The following CDIP1 variants were observed in gnomAD, a reference collection of about 807,000 sequenced individuals.
The protein encoded by CDIP1 is cell death inducing p53 target 1, also known as cell death-inducing p53-target protein 1.
CDIP1 carries 9 observed loss-of-function variants against 17.7 expected under a neutral mutation model. The ratio of observed to expected loss-of-function variants is 0.51; its 90% CI spans 0.31 to 0.89. CDIP1 has a LOEUF of 0.89. CDIP1 is among the 40% of genes least tolerant of loss of function. The pLI is 0.05. For missense variants in CDIP1, 263 were observed against 277.9 expected, an observed-to-expected ratio of 0.95 and a Z score of 0.38; for synonymous variants, 117 against 109.5, an observed-to-expected ratio of 1.07 and a Z score of -0.43.
intron 1 of CDIP1, among the ~76,000 whole-genome samples, chr16:4,529,605 G>A (rs936105485): frequency 1.3e-5 from 2 of 152,144 alleles, no homozygotes; most frequent in Non-Finnish European, 2.9e-5. Context: ...GGCAGGCCTT[G>A]GTAACTACAA....
rs539514114 is a variant in CDIP1 at position 4,523,643 on chromosome 16, G to A, written c.-104-8979C>T. Among the ~76,000 whole-genome samples the A allele has an allele frequency of 7.2e-5, 11 of 152,236 alleles. 1 individual carries two copies. In the South Asian group the frequency reaches 1.9e-3, roughly 26 times the overall value. Reference sequence around the variant, plus strand: ...AATTACATCTGTGACCAGTGGTATCGAGAAAGTCCAGGGCACAGTAGAAGG... The same window carrying A: ...AATTACATCTGTGACCAGTGGTATCAAGAAAGTCCAGGGCACAGTAGAAGG... On this transcript the variant is annotated intron_variant, in intron 1 of 5. Coordinates refer to ENST00000567695, the MANE Select transcript of CDIP1 (RefSeq NM_013399.3).
intron 1 of CDIP1, among the ~76,000 whole-genome samples, chr16:4,521,634 G>A (rs774467672): frequency 2.0e-5 from 3 of 151,342 alleles, no homozygotes; most frequent in Non-Finnish European, 2.9e-5. Flanking sequence ...AGGCCGAGAC[G>A]GGAGGATTAC....
At chr16:4,525,913 G>A (rs1003082529) in intron 1 of CDIP1, among the ~76,000 whole-genome samples, 1 of 152,188 alleles carries the variant, frequency 6.6e-6, no homozygotes, top group Non-Finnish European at 1.5e-5. Flanking sequence ...TAACATCGCG[G>A]GTGGCTCTGA....
chr16:4,522,313 C>A (rs570352642), intron 1 of CDIP1: 1 of 152,446 alleles, frequency 6.6e-6, no homozygotes, highest in East Asian at 1.9e-4. Flanking sequence ...TGGAAGGATG[C>A]TCCACCAATA....
At chr16:4,516,088 C>G (rs190201254) in intron 1 of CDIP1, among the ~76,000 whole-genome samples, 1 of 152,108 alleles carries the variant, frequency 6.6e-6, no homozygotes, top group Non-Finnish European at 1.5e-5. Flanking sequence ...GAAGACGATT[C>G]GGCTATAAAA....
rs1293637085 is a variant in CDIP1, at chr16:4,514,099, C to T, written c.32G>A (p.Gly11Glu). 6.5e-7 allele frequency: 1 copy of T among 1,543,602 alleles called. No homozygotes were observed. Among genetic ancestry groups the T allele is most frequent in the Non-Finnish European group, 8.7e-7 (1 of 1,156,026 alleles). MSSEPPPPYPGGPTAPLLEEK... is the reference protein window; with the variant it reads MSSEPPPPYPEGPTAPLLEEK... Reference sequence around the variant, plus strand: ...TTCCAGAAGTGGGGCTGTGGGGCCCCCAGGATAAGGAGGGGGAGGCTCGCT... The same window carrying T: ...TTCCAGAAGTGGGGCTGTGGGGCCCTCAGGATAAGGAGGGGGAGGCTCGCT... Residue 11 changes from glycine (G) to glutamate (E), a missense_variant, in exon 3 of 6, where the codon GGG becomes GAG. Transcript: ENST00000567695. The surrounding 1 kb of genome is among the most constrained non-coding windows in gnomAD (Gnocchi z 5.2).
chr16:4,513,152 C>CGCTGGGCGCTGTGG lies in CDIP1; in HGVS notation c.242-89_242-88insCCACAGCGCCCAGC. On this transcript the variant is annotated intron_variant, in intron 4 of 5. Transcript: ENST00000567695. The surrounding 1 kb of genome is among the most constrained non-coding windows in gnomAD (Gnocchi z 4.1). ...GATTGGCGCAAAGCCCCACGGTCCA[C>CGCTGGGCGCTGTGG]AGCGCCCAGCGTGCAAGGCTACGCC... 1 of 1,326,530 alleles carries CGCTGGGCGCTGTGG rather than the reference C, an allele frequency of 7.5e-7. No homozygotes were observed. The highest frequency in any genetic ancestry group is 1.0e-6 in the Non-Finnish European group (1 of 992,410). 82.2% of individuals were successfully genotyped at this position (1,326,530 alleles called of 1,614,324 possible). A position where few individuals can be genotyped will look rare whatever the true frequency, so the allele number is the denominator to read the frequency against.
intron 1 of CDIP1, among the ~76,000 whole-genome samples, chr16:4,519,743 C>T (rs1048557746): frequency 6.6e-6 from 1 of 151,994 alleles, no homozygotes; most frequent in Non-Finnish European, 1.5e-5. Context: ...TCTGTTAGTC[C>T]CCGCATCCTT....
intron 1 of CDIP1, among the ~76,000 whole-genome samples, chr16:4,535,649 T>C (rs778351278): frequency 2.6e-5 from 4 of 152,210 alleles, no homozygotes; most frequent in Non-Finnish European, 5.9e-5. Flanking sequence ...GCAGCCCTGG[T>C]CCCAGGACAC....
chr16:4,512,371 ACCCTTGG>A lies in CDIP1; in HGVS notation c.*194_*200del. 1.7e-6 allele frequency: 1 copy of A among 601,548 alleles called. No individual in the cohort carries two copies. Among genetic ancestry groups the A allele is most frequent in the South Asian group, 1.9e-5 (1 of 51,322 alleles). 37.3% of individuals were successfully genotyped at this position (601,548 alleles called of 1,614,324 possible). On this transcript the variant is annotated 3_prime_UTR_variant, in exon 6 of 6. Coordinates refer to ENST00000567695, the MANE Select transcript of CDIP1 (RefSeq NM_013399.3). This position sits in a 1 kb window ranked among gnomAD's most constrained non-coding sequence, Gnocchi z 4.6. Reference sequence around the variant, plus strand: ...ATTGTCAGCCCCCTGCCACCCACTGACCCTTGGCCTTAAATCCCAACAGAATTTTTGC... The same window carrying A: ...ATTGTCAGCCCCCTGCCACCCACTGACCTTAAATCCCAACAGAATTTTTGC...
intron 1 of CDIP1, among the ~76,000 whole-genome samples, chr16:4,537,513 G>C (rs988726131): frequency 3.3e-5 from 5 of 152,130 alleles, no homozygotes; most frequent in African/African-American, 9.7e-5. Flanking sequence ...GCCCCGCCCA[G>C]CATCAGGCCC....
intron 1 of CDIP1, among the ~76,000 whole-genome samples, chr16:4,535,650 C>A (rs1417389707): frequency 6.6e-6 from 1 of 152,232 alleles, no homozygotes; most frequent in Non-Finnish European, 1.5e-5. Flanking sequence ...CAGCCCTGGT[C>A]CCAGGACACC....
At position 4,513,539 on chromosome 16, in the gene CDIP1, C is replaced by T. The variant is rs926194553; in HGVS notation, c.241+157G>A. On this transcript the variant is annotated intron_variant, in intron 4 of 5. Coordinates refer to ENST00000567695, the MANE Select transcript of CDIP1 (RefSeq NM_013399.3). This position sits in a 1 kb window ranked among gnomAD's most constrained non-coding sequence, Gnocchi z 4.1. ...GTCCCACCTTCCCACGTCCACAGTC[C>T]CTGTCCACACACAGCCTGAGCCCTA... Among the ~76,000 whole-genome samples, 2 of 152,310 alleles carry T rather than the reference C, an allele frequency of 1.3e-5. No individual in the cohort carries two copies. The highest frequency in any genetic ancestry group is 3.4e-3 in the Middle Eastern group (1 of 294).
intron 1 of CDIP1, among the ~76,000 whole-genome samples, chr16:4,515,592 G>A (rs1345962847): frequency 6.6e-6 from 1 of 152,138 alleles, no homozygotes; most frequent in African/African-American, 2.4e-5. Context: ...ATAACAGAAA[G>A]ACAACCCAAT....
At chr16:4,526,105 C>T (rs1024408207) in intron 1 of CDIP1, among the ~76,000 whole-genome samples, 2 of 152,118 alleles carry the variant, frequency 1.3e-5, no homozygotes, top group Non-Finnish European at 1.5e-5. Context: ...TGAGTCTCAG[C>T]GGAAATAAGA....
chr16:4,526,564 A>G (rs1276732402), intron 1 of CDIP1, among the ~76,000 whole-genome samples: 1 of 151,686 alleles, frequency 6.6e-6, no homozygotes, highest in Non-Finnish European at 1.5e-5. Context: ...GCCAGGCATG[A>G]TGGCGGGCGC....
intron 1 of CDIP1, among the ~76,000 whole-genome samples, chr16:4,535,882 AC>A (rs3833433): frequency 0.34 from 51,219 of 151,980 alleles, 9,495 homozygotes; most frequent in African/African-American, 0.48. Context: ...TGGCTTGGAG[AC>A]TCCTGACTAG....
intron 1 of CDIP1, chr16:4,533,601 C>T (rs1464811078): frequency 6.6e-6 from 1 of 152,300 alleles, no homozygotes; most frequent in Non-Finnish European, 1.5e-5. Flanking sequence ...TCCACTATCT[C>T]ATCTAACAGT....
At chr16:4,526,999 C>T (rs183581544) in intron 1 of CDIP1, among the ~76,000 whole-genome samples, 455 of 151,674 alleles carry the variant, frequency 3.0e-3, no homozygotes, top group African/African-American at 0.011. Context: ...TGATGAGTCA[C>T]GGGAGAGGCC....
Sources: gnomAD v4.1 joint callset for allele counts (sites outside exome capture counted in the v4.1 genomes callset) on GRCh38, gnomAD v4.1.1 for gene constraint, Gnocchi (gnomAD v3.1) non-coding constraint, MANE v1.5 for transcripts, NCBI Gene and HGNC (gene_info 2026-07-23, HGNC 2026-07-21) for gene names.